Variants in SGIP1 observed in about 807,000 individuals in gnomAD.
SGIP1 encodes the protein SH3-containing GRB2-like protein 3-interacting protein 1.
Under a neutral mutation model 107.5 loss-of-function variants are expected in SGIP1, and 38 were observed. The ratio of observed to expected loss-of-function variants is 0.35; its 90% CI spans 0.27 to 0.46. The LOEUF is 0.46. Among genes scored for constraint, SGIP1 ranks in the 20% least tolerant of loss-of-function variants. SGIP1 has a pLI of 1.00. For missense variants in SGIP1, 929 were observed against 1,019.5 expected (o/e 0.91, Z 1.21); for synonymous variants, 365 against 366.1 (o/e 1.00, Z 0.03).
At chr1:66,696,156 C>A (rs1336724042) in intron 18 of SGIP1, among the ~76,000 whole-genome samples, 1 of 152,094 alleles carries the variant, frequency 6.6e-6, no homozygotes, top group Non-Finnish European at 1.5e-5. Flanking sequence ...TAACCTCATT[C>A]TTTGATCATT....
chr1:66,635,404 A>T lies in SGIP1; in HGVS notation c.100-540A>T, dbSNP rs115460649. 6.2e-3 allele frequency among the ~76,000 whole-genome samples: 949 copies of T among 152,260 alleles called. 11 individuals carry two copies. Among genetic ancestry groups the T allele is most frequent in the African/African-American group, 0.022 (911 of 41,548 alleles). On this transcript the variant is annotated intron_variant, in intron 3 of 24. Transcript: ENST00000371037. ...AGTTCCAGTTTCCCTCCACACATAG[A>T]CTTGGAACATCAGGGTCATAGCCTT...
At chr1:66,573,811 G>T (rs746567442) in intron 1 of SGIP1, among the ~76,000 whole-genome samples, 2 of 151,938 alleles carry the variant, frequency 1.3e-5, no homozygotes, top group African/African-American at 2.4e-5. Flanking sequence ...TGAGTACTAG[G>T]CTTAATACCC....
At chr1:66,713,790 TAAAC>T (rs995497625) in intron 18 of SGIP1, among the ~76,000 whole-genome samples, 3 of 152,134 alleles carry the variant, frequency 2.0e-5, no homozygotes, top group Non-Finnish European at 4.4e-5. Flanking sequence ...TTGAATAAAA[TAAAC>T]ATGCATTCAA....
At chr1:66,570,729 G>A (rs2060269189) in intron 1 of SGIP1, among the ~76,000 whole-genome samples, 1 of 151,880 alleles carries the variant, frequency 6.6e-6, no homozygotes, top group Admixed American at 6.6e-5. Flanking sequence ...ATGGAGCTTA[G>A]TCTTTTTGTC....
intron 5 of SGIP1, among the ~76,000 whole-genome samples, chr1:66,641,926 C>G (rs7543378): frequency 0.14 from 20,758 of 152,150 alleles, 1,453 homozygotes; most frequent in African/African-American, 0.15. Flanking sequence ...GCAATCCATC[C>G]TTTCAAACAT....
intron 18 of SGIP1, among the ~76,000 whole-genome samples, chr1:66,713,894 C>T (rs921660877): frequency 2.6e-5 from 4 of 152,076 alleles, no homozygotes; most frequent in East Asian, 3.9e-4. Context: ...ATTAGGCACA[C>T]ATGCGCAGAT....
At chr1:66,648,267 C>A (rs1571211207) in intron 7 of SGIP1, among the ~76,000 whole-genome samples, 1 of 152,188 alleles carries the variant, frequency 6.6e-6, no homozygotes, top group Non-Finnish European at 1.5e-5. Context: ...GCCCTCCCAG[C>A]AACTGGTGCA....
intron 16 of SGIP1, among the ~76,000 whole-genome samples, chr1:66,689,863 G>A (rs991790914): frequency 6.6e-6 from 1 of 152,196 alleles, no homozygotes; most frequent in Admixed American, 6.5e-5. Flanking sequence ...GTCTAAAGTC[G>A]TTAGCTTTAG....
intron 20 of SGIP1, among the ~76,000 whole-genome samples, chr1:66,730,627 G>T (rs898259416): frequency 6.6e-6 from 1 of 152,094 alleles, no homozygotes; most frequent in African/African-American, 2.4e-5. Flanking sequence ...AGTAAATCAG[G>T]TCTCCTTTGT....
intron 1 of SGIP1, among the ~76,000 whole-genome samples, chr1:66,584,469 T>C (rs1476032107): frequency 1.3e-5 from 2 of 152,180 alleles, no homozygotes; most frequent in Non-Finnish European, 1.5e-5. Context: ...TAACCCATGT[T>C]AAAATTTCTC....
rs368180887 is a variant in SGIP1, at chr1:66,682,021, G to A, written c.967G>A (p.Val323Ile). 2 of 1,614,144 alleles carry A rather than the reference G, an allele frequency of 1.2e-6. No homozygotes were observed. Among genetic ancestry groups the A allele is most frequent in the African/African-American group, 2.7e-5 (2 of 75,044 alleles). ...VHFSDTSPEHVTPELTPREKV... is the reference protein window; with the variant it reads ...VHFSDTSPEHITPELTPREKV... ...TTTTTCTGATACATCCCCGGAACAT[G>A]TTACTCCGGAGTTGACTCCAAGGGA... is the stretch of plus-strand genomic sequence containing the variant. Residue 323 changes from valine to isoleucine, a missense_variant, in exon 15 of 25, where the codon GTT becomes ATT. Coordinates refer to ENST00000371037, the MANE Select transcript of SGIP1 (RefSeq NM_032291.4).
intron 7 of SGIP1, among the ~76,000 whole-genome samples, chr1:66,644,497 T>G (rs2077320522): frequency 6.6e-6 from 1 of 152,188 alleles, no homozygotes; most frequent in Non-Finnish European, 1.5e-5. Flanking sequence ...TAAAAATGGT[T>G]GTGAGGAACA....
chr1:66,571,590 T>G (rs1217834443), intron 1 of SGIP1, among the ~76,000 whole-genome samples: 2 of 152,012 alleles, frequency 1.3e-5, no homozygotes, highest in Non-Finnish European at 2.9e-5. Flanking sequence ...TTTATATTAC[T>G]CTCCTTCATG....
chr1:66,673,501 G>A, intron 12 of SGIP1, 135 bp downstream of exon 12: 2 of 776,446 alleles, frequency 2.6e-6, no homozygotes, highest in South Asian at 2.7e-5. Context: ...TTTCAATCTA[G>A]GTGTGCTGTC....
chr1:66,694,373 T>C, intron 17 of SGIP1: 1 of 1,438,878 alleles, frequency 6.9e-7, no homozygotes, highest in Non-Finnish European at 9.5e-7. Context: ...GTGGGCTTCT[T>C]GATTTCATTT....
chr1:66,681,996 T>C lies in SGIP1; in HGVS notation c.942T>C (p.His314=), dbSNP rs753434658. The change falls in exon 15 of 25, where the codon CAT becomes CAC. Residue 314 remains histidine (H), a synonymous_variant. Coordinates refer to ENST00000371037, the MANE Select transcript of SGIP1 (RefSeq NM_032291.4). ...TTAATGCTGAAGAAAAGTGGGTCCA[T>C]TTTTCTGATACATCCCCGGAACATG... ...VAVNAEEKWV[H]FSDTSPEHVT... 23 of 1,614,056 alleles carry C rather than the reference T, an allele frequency of 1.4e-5. No homozygotes were observed. The highest frequency in any genetic ancestry group is 1.5e-5 in the Non-Finnish European group (18 of 1,180,034).
intron 2 of SGIP1, among the ~76,000 whole-genome samples, chr1:66,631,603 G>A (rs1372954266): frequency 1.3e-5 from 2 of 152,064 alleles, no homozygotes; most frequent in Non-Finnish European, 2.9e-5. Context: ...GGTGGGGAAA[G>A]GGAATCACAC....
rs772231202 is a variant in SGIP1 at position 66,673,296 on chromosome 1, T to C, written c.576T>C (p.Asp192=). The change falls in exon 12 of 25, where the codon GAT becomes GAC. Residue 192 remains aspartate, a synonymous_variant. Transcript: ENST00000371037. The stretch of plus-strand genomic sequence containing the variant: ...TGTGATTTAGCAAAAAGCCTCCAGA[T>C]GACACTACGGCCCTTGCTCCTCTCT... ...TPELISKKPP[D]DTTALAPLFG... The C allele has an allele frequency of 1.2e-6, 2 of 1,613,978 alleles. No homozygotes were observed. The highest frequency in any genetic ancestry group is 1.7e-6 in the Non-Finnish European group (2 of 1,180,000).
intron 1 of SGIP1, among the ~76,000 whole-genome samples, chr1:66,582,834 G>A (rs2062009421): frequency 6.6e-6 from 1 of 151,320 alleles, no homozygotes; most frequent in Non-Finnish European, 1.5e-5. Context: ...AGATAAATTA[G>A]CCCCAGATTC....
Sources: allele counts gnomAD v4.1 joint callset (sites outside exome capture counted in the v4.1 genomes callset), GRCh38; gene constraint gnomAD v4.1.1; transcripts MANE v1.5; gene names NCBI Gene and HGNC (gene_info 2026-07-23, HGNC 2026-07-21).